Variants in BAG3 observed in about 807,000 individuals in gnomAD.
The protein encoded by BAG3 is BAG family molecular chaperone regulator 3.
Under a neutral mutation model 40.5 loss-of-function variants are expected in BAG3, and 14 were observed. The ratio of observed to expected loss-of-function variants is 0.35; its 90% CI spans 0.23 to 0.54. BAG3 has a LOEUF of 0.54. BAG3 is among the 20% of genes least tolerant of loss of function. The pLI is 0.91. For synonymous variants in BAG3, 302 were observed against 307.8 expected (o/e 0.98, Z 0.20); for missense variants, 788 against 758.6 (o/e 1.04, Z -0.46).
chr10:119,656,378 CTTTTTTTTTTT>C (rs34602155), intron 1 of BAG3, among the ~76,000 whole-genome samples: 1 of 126,882 alleles, frequency 7.9e-6, no homozygotes, highest in African/African-American at 3.0e-5. Flanking sequence ...AGCTGGCCTT[CTTTTTTTTTTT>C]TTTTTTTTTG....
rs148122468 is a variant in BAG3, at chr10:119,668,741, A to G, written c.181-1110A>G. Reference sequence around the variant, plus strand: ...GAGAGGACATAAGAGAAGGACCCCAACTGCTCCTTGCCCAAGCAGGCTCTG... The same window carrying G: ...GAGAGGACATAAGAGAAGGACCCCAGCTGCTCCTTGCCCAAGCAGGCTCTG... On this transcript the variant is annotated intron_variant, in intron 1 of 3. Transcript: ENST00000369085. 4.9e-3 allele frequency among the ~76,000 whole-genome samples: 752 copies of G among 152,318 alleles called. 8 individuals are homozygous for G. Among genetic ancestry groups the G allele is most frequent in the African/African-American group, 0.017 (700 of 41,560 alleles).
At chr10:119,653,819 T>G (rs1846874872) in intron 1 of BAG3, among the ~76,000 whole-genome samples, 1 of 152,210 alleles carries the variant, frequency 6.6e-6, no homozygotes, top group Admixed American at 6.5e-5. Context: ...AAAGTCCTAA[T>G]AAGAGGCAGT....
intron 1 of BAG3, among the ~76,000 whole-genome samples, chr10:119,658,972 C>T (rs981473206): frequency 6.6e-6 from 1 of 152,144 alleles, no homozygotes; most frequent in Admixed American, 6.5e-5. Flanking sequence ...CCTGGCTGTC[C>T]GTGGGCCTTT....
At chr10:119,658,670 T>A (rs1345359236) in intron 1 of BAG3, among the ~76,000 whole-genome samples, 2 of 151,998 alleles carry the variant, frequency 1.3e-5, no homozygotes, top group East Asian at 3.8e-4. Flanking sequence ...GTGACAGGAG[T>A]AGCAGAAAGG....
chr10:119,677,328 G>A lies in BAG3; in HGVS notation c.*46G>A. 1 of 1,609,708 alleles carries A rather than the reference G, an allele frequency of 6.2e-7. No individual in the cohort carries two copies. Among genetic ancestry groups the A allele is most frequent in the Non-Finnish European group, 8.5e-7 (1 of 1,177,966 alleles). On this transcript the variant is annotated 3_prime_UTR_variant, in exon 4 of 4. Transcript: ENST00000369085. ...GACTCGGAACCGATGTGTGCTTTAGGGAATTTTAAGTTGCATGCATTTCAG... is the reference window on the plus strand; with the variant it reads ...GACTCGGAACCGATGTGTGCTTTAGAGAATTTTAAGTTGCATGCATTTCAG...
In BAG3 at chr10:119,670,051, A is replaced by T. The variant is rs140594879; in HGVS notation, c.381A>T (p.Ala127=). The T allele has an allele frequency of 6.8e-5, 110 of 1,614,204 alleles. No homozygotes were observed. The African/African-American group carries it at 1.2e-3, about 18-fold the overall frequency. Residue 127 remains alanine, a synonymous_variant, in exon 2 of 4, where the codon GCA becomes GCT. Coordinates refer to ENST00000369085, the MANE Select transcript of BAG3 (RefSeq NM_004281.4). ...TGCAGCGATTCCGAACTGAGGCGGC[A>T]GCAGCGGCTCCTCAGAGGTCCCAGT... ...PGMQRFRTEA[A]AAAPQRSQSP... is the part of the protein sequence containing the mutation.
Position 119,672,229 on chromosome 10 carries a change from T to C in BAG3, c.508-26T>C, listed in dbSNP as rs374243122. The C allele has an allele frequency of 1.9e-6, 3 of 1,610,884 alleles. No homozygotes were observed. The highest frequency in any genetic ancestry group is 2.7e-5 in the African/African-American group (2 of 75,050). Reference sequence around the variant, plus strand: ...GCCAGGGGAGTCATTTGTGGGGTCATGCCCTCTACCCTGTGTCTCTTGCAG... The same window carrying C: ...GCCAGGGGAGTCATTTGTGGGGTCACGCCCTCTACCCTGTGTCTCTTGCAG... On this transcript the variant is annotated intron_variant, in intron 2 of 3. Coordinates refer to ENST00000369085, the MANE Select transcript of BAG3 (RefSeq NM_004281.4). This position sits in a 1 kb window ranked among gnomAD's most constrained non-coding sequence, Gnocchi z 4.8.
chr10:119,665,402 A>C (rs2134060408), intron 1 of BAG3, among the ~76,000 whole-genome samples: 1 of 151,706 alleles, frequency 6.6e-6, no homozygotes, highest in African/African-American at 2.4e-5. Flanking sequence ...AGCCTGCCAA[A>C]GTGCTGGGAT....
chr10:119,654,101 T>A (rs1163055529), intron 1 of BAG3, among the ~76,000 whole-genome samples: 4 of 152,256 alleles, frequency 2.6e-5, no homozygotes, highest in Non-Finnish European at 5.9e-5. Context: ...TTGCTTTCAA[T>A]CCTGTGCTTT....
rs764172599 is a variant in BAG3, at chr10:119,672,064, C to T, written c.508-191C>T. On this transcript the variant is annotated intron_variant, in intron 2 of 3. Transcript: ENST00000369085. This position sits in a 1 kb window ranked among gnomAD's most constrained non-coding sequence, Gnocchi z 4.8. ...TAGGCCTCCCAAAGTGCTGGGATTA[C>T]AGGTGTGAGCCACCGCGCCCAGCCC... 3.3e-5 allele frequency among the ~76,000 whole-genome samples: 5 copies of T among 152,220 alleles called. No homozygotes were observed. The highest frequency in any genetic ancestry group is 2.9e-5 in the Non-Finnish European group (2 of 68,032).
Position 119,651,675 on chromosome 10 carries a change from C to T in BAG3, c.-1C>T. The T allele has an allele frequency of 6.3e-7, 1 of 1,578,740 alleles. No homozygotes were observed. Among genetic ancestry groups the T allele is most frequent in the Non-Finnish European group, 8.6e-7 (1 of 1,163,934 alleles). ...CCCCAGCGGGCAGACCCCAACCCAG[C>T]ATGAGCGCCGCCACCCACTCGCCCA... On this transcript the variant is annotated 5_prime_UTR_variant, in exon 1 of 4. Transcript: ENST00000369085.
intron 1 of BAG3, among the ~76,000 whole-genome samples, chr10:119,652,603 C>A (rs906498959): frequency 6.6e-6 from 1 of 152,194 alleles, no homozygotes; most frequent in Non-Finnish European, 1.5e-5. Flanking sequence ...GACTGTCTTA[C>A]AGTTGGCCAT....
chr10:119,652,179 T>C (rs2134050963), intron 1 of BAG3, among the ~76,000 whole-genome samples: 1 of 152,074 alleles, frequency 6.6e-6, no homozygotes, highest in Middle Eastern at 3.4e-3. Flanking sequence ...GGCCTCGCGC[T>C]CTAGGGCTGG....
intron 3 of BAG3, among the ~76,000 whole-genome samples, chr10:119,675,784 T>TCCTTCCCTCCCCCTCCCTTC (rs1564775870): frequency 8.3e-5 from 1 of 12,066 alleles, no homozygotes; most frequent in African/African-American, 2.9e-4. Flanking sequence ...TCCCTCCCCC[T>TCCTTCCCTCCCCCTCCCTTC]CCCTTCCCCC....
At chr10:119,667,740 G>T (rs1189356229) in intron 1 of BAG3, among the ~76,000 whole-genome samples, 1 of 152,224 alleles carries the variant, frequency 6.6e-6, no homozygotes, top group African/African-American at 2.4e-5. Context: ...CCCCCAGGTG[G>T]TGGATGAGGG....
At chr10:119,667,620 T>G (rs530866797) in intron 1 of BAG3, among the ~76,000 whole-genome samples, 1 of 152,142 alleles carries the variant, frequency 6.6e-6, no homozygotes, top group African/African-American at 2.4e-5. Context: ...TAATTCTGCT[T>G]CTTGTTTGTT....
intron 1 of BAG3, among the ~76,000 whole-genome samples, chr10:119,656,374 C>T (rs923849150): frequency 1.3e-5 from 2 of 149,078 alleles, no homozygotes; most frequent in African/African-American, 5.0e-5. Context: ...ACTCAGCTGG[C>T]CTTCTTTTTT....
intron 1 of BAG3, among the ~76,000 whole-genome samples, chr10:119,652,487 G>A (rs1450210633): frequency 2.6e-5 from 4 of 152,120 alleles, no homozygotes; most frequent in African/African-American, 9.7e-5. Flanking sequence ...TTGTATTATT[G>A]TTTGAAAGTG....
Position 119,672,773 on chromosome 10 carries a change from T to A in BAG3, c.909+117T>A. On this transcript the variant is annotated intron_variant, in intron 3 of 3. Coordinates refer to ENST00000369085, the MANE Select transcript of BAG3 (RefSeq NM_004281.4). The surrounding 1 kb of genome is among the most constrained non-coding windows in gnomAD (Gnocchi z 4.8). ...CCTGCCTATTTAACATGCGTGTACC[T>A]ACAGGCAAGTGAGATTCGAGAAATT... The A allele has an allele frequency of 7.1e-7, 1 of 1,418,248 alleles. No individual in the cohort carries two copies. The highest frequency in any genetic ancestry group is 9.7e-7 in the Non-Finnish European group (1 of 1,028,998). The allele number at this position is 1,418,248 out of a possible 1,614,324, so 87.9% of individuals were successfully genotyped here.
Sources: gnomAD v4.1 joint callset for allele counts (sites outside exome capture counted in the v4.1 genomes callset) on GRCh38, gnomAD v4.1.1 for gene constraint, Gnocchi (gnomAD v3.1) non-coding constraint, MANE v1.5 for transcripts, NCBI Gene and HGNC (gene_info 2026-07-23, HGNC 2026-07-21) for gene names.